The following SLC30A10 variants were observed in gnomAD, a reference collection of about 807,000 sequenced individuals.
SLC30A10 encodes the protein calcium/manganese antiporter SLC30A10.
A neutral mutation model predicts 21.7 loss-of-function variants in SLC30A10; 8 were observed. The ratio of observed to expected loss-of-function variants is 0.37; its 90% confidence interval spans 0.22 to 0.67. The LOEUF is 0.67. Ranked by LOEUF, SLC30A10 falls within the 30% of genes least tolerant of loss-of-function variation. The pLI is 0.58. For synonymous variants in SLC30A10, 272 were observed against 279.4 expected, an observed-to-expected ratio of 0.97 and a Z score of 0.26; for missense variants, 521 against 642.5, an observed-to-expected ratio of 0.81 and a Z score of 2.04.
intron 1 of SLC30A10, among the ~76,000 whole-genome samples, chr1:219,950,415 G>A (rs1357971093): frequency 3.5e-4 from 53 of 152,188 alleles, no homozygotes; most frequent in African/African-American, 1.3e-3. Flanking sequence ...CGAGGTGGGT[G>A]GATCACGAAG....
chr1:219,950,363 G>T (rs2102546549), intron 1 of SLC30A10, among the ~76,000 whole-genome samples: 1 of 152,338 alleles, frequency 6.6e-6, no homozygotes, highest in East Asian at 1.9e-4. Flanking sequence ...AATCTGGCTG[G>T]GCGCGGTGGC....
intron 1 of SLC30A10, among the ~76,000 whole-genome samples, chr1:219,934,601 C>T (rs1660022791): frequency 1.3e-5 from 2 of 152,106 alleles, no homozygotes; most frequent in African/African-American, 2.4e-5. Context: ...CAGGATGATG[C>T]CTTTTTTTCT....
At chr1:219,923,383 TG>T (rs1659741951) in intron 2 of SLC30A10, among the ~76,000 whole-genome samples, 1 of 152,168 alleles carries the variant, frequency 6.6e-6, no homozygotes, top group South Asian at 2.1e-4. Flanking sequence ...TAACATAAAT[TG>T]GCAATTTGAC....
chr1:219,944,448 A>AAAAAC (rs370187926), intron 1 of SLC30A10, among the ~76,000 whole-genome samples: 10,561 of 151,920 alleles, frequency 0.07, 431 homozygotes, highest in Admixed American at 0.11. Flanking sequence ...ACTCTGTCTC[A>AAAAAC]AAAACAAAAC....
Position 219,928,051 on chromosome 1 carries a change from C to A in SLC30A10, c.390G>T (p.Gly130=). The A allele has an allele frequency of 6.3e-7, 1 of 1,590,480 alleles. No individual in the cohort carries two copies. The highest frequency in any genetic ancestry group is 8.5e-7 in the Non-Finnish European group (1 of 1,170,018). The part of the protein sequence containing the change: ...GVLGLLVNVV[G]LLIFQDCAAW... Reference sequence around the variant, plus strand: ...CGGCGCAGTCCTGGAAGATGAGCAGCCCCACCACGTTGACCAACAGCCCCA... The same window carrying A: ...CGGCGCAGTCCTGGAAGATGAGCAGACCCACCACGTTGACCAACAGCCCCA... The change falls in exon 1 of 4, where the codon GGG becomes GGT. Residue 130 remains glycine, a synonymous_variant. Coordinates refer to ENST00000366926, the MANE Select transcript of SLC30A10 (RefSeq NM_018713.3). This position sits in a 1 kb window ranked among gnomAD's most constrained non-coding sequence, Gnocchi z 6.3.
chr1:219,930,482 TC>T (rs1161613438), upstream of SLC30A10, among the ~76,000 whole-genome samples: 1 of 151,704 alleles, frequency 6.6e-6, no homozygotes, highest in Admixed American at 6.6e-5. Context: ...CAACCCCACC[TC>T]CCCCCAACCA....
intron 1 of SLC30A10, among the ~76,000 whole-genome samples, chr1:219,950,771 AC>A (rs1660256282): frequency 6.6e-6 from 1 of 150,400 alleles, no homozygotes; most frequent in African/African-American, 2.5e-5. Flanking sequence ...CCAACATGAA[AC>A]CCCATCTCTA....
chr1:219,928,873 C>T (rs937892841), upstream of SLC30A10, among the ~76,000 whole-genome samples: 2 of 152,232 alleles, frequency 1.3e-5, no homozygotes, highest in Non-Finnish European at 2.9e-5. This position sits in a 1 kb window ranked among gnomAD's most constrained non-coding sequence, Gnocchi z 6.3. Flanking sequence ...TCTCCTGGCC[C>T]TCAGGGTCGC....
At chr1:219,927,580 G>A (rs1659859288) in intron 1 of SLC30A10, among the ~76,000 whole-genome samples, 1 of 140,404 alleles carries the variant, frequency 7.1e-6, no homozygotes, top group Non-Finnish European at 1.5e-5. Flanking sequence ...AAGGGATGGG[G>A]AATATGTTAA....
Position 219,928,402 on chromosome 1 carries a change from G to A in SLC30A10, c.39C>T (p.Phe13=), listed in dbSNP as rs146077535. The A allele has an allele frequency of 1.5e-5, 24 of 1,613,108 alleles. No homozygotes were observed. The highest frequency in any genetic ancestry group is 1.9e-5 in the Non-Finnish European group (23 of 1,179,628). The change falls in exon 1 of 4, where the codon TTC becomes TTT. Residue 13 remains phenylalanine (F), a synonymous_variant. Coordinates refer to ENST00000366926, the MANE Select transcript of SLC30A10 (RefSeq NM_018713.3). This position sits in a 1 kb window ranked among gnomAD's most constrained non-coding sequence, Gnocchi z 6.3. ...AGAAGGCGACGGTGAGCACCAGCAT[G>A]AAGAGCAGCCGGCACGTCTTGCCAG... is the stretch of plus-strand genomic sequence containing the variant. The part of the protein sequence containing the change: ...RYSGKTCRLL[F]MLVLTVAFFV...
At chr1:219,920,786 ATG>A (rs1421798850) in intron 2 of SLC30A10, among the ~76,000 whole-genome samples, 2 of 152,228 alleles carry the variant, frequency 1.3e-5, no homozygotes, top group Non-Finnish European at 2.9e-5. Context: ...CCTTCAAGGA[ATG>A]TGAATTACAG....
rs57806725 is a variant in SLC30A10 at position 219,921,921 on chromosome 1, C to CAG, written c.719-3429_719-3428dup. Among the ~76,000 whole-genome samples the CAG allele has an allele frequency of 7.0e-3, 971 of 137,822 alleles. 11 individuals are homozygous for CAG. The highest frequency in any genetic ancestry group is 0.017 in the African/African-American group (617 of 35,262). The allele number at this position is 137,822 out of a possible 152,430, so 90.4% of individuals were successfully genotyped here. ...TGTGTGTGTGAAAGAGAGAGAGAGA[C>CAG]AGAGAGAGAGAGAGAGAGAGAGACC... On this transcript the variant is annotated intron_variant, in intron 2 of 3. Transcript: ENST00000366926.
intron 2 of SLC30A10, among the ~76,000 whole-genome samples, chr1:219,926,220 T>C (rs77633134): frequency 0.032 from 4,836 of 152,254 alleles, 236 homozygotes; most frequent in African/African-American, 0.11. Context: ...TGAAGGTATC[T>C]CCTGAATTAT....
intron 2 of SLC30A10, among the ~76,000 whole-genome samples, chr1:219,922,248 G>A (rs1659714671): frequency 2.0e-5 from 2 of 101,762 alleles, no homozygotes; most frequent in South Asian, 3.8e-4. Flanking sequence ...ACAGGGGTTT[G>A]CTATGTTACC....
chr1:219,957,327 C>T lies in SLC30A10; in HGVS notation n.80+1241G>A, dbSNP rs183861884. ...AGGATAAAGGACCGGCTCCAACTGACGTAATTTATCATAGTAGCAAAGACA... is the reference window on the plus strand; with the variant it reads ...AGGATAAAGGACCGGCTCCAACTGATGTAATTTATCATAGTAGCAAAGACA... On this transcript the variant is annotated intron_variant and non_coding_transcript_variant, in intron 1 of 8. Coordinates refer to the SLC30A10 transcript ENST00000484239. Among the ~76,000 whole-genome samples, 366 of 152,176 alleles carry T rather than the reference C, an allele frequency of 2.4e-3. 1 individual carries two copies. Among genetic ancestry groups the T allele is most frequent in the African/African-American group, 7.0e-3 (292 of 41,504 alleles).
At chr1:219,949,842 C>A (rs1660244316) in intron 1 of SLC30A10, among the ~76,000 whole-genome samples, 2 of 152,032 alleles carry the variant, frequency 1.3e-5, no homozygotes, top group African/African-American at 4.8e-5. Flanking sequence ...ACAATGTTTT[C>A]AAAAAGCCAC....
intron 2 of SLC30A10, among the ~76,000 whole-genome samples, chr1:219,925,651 A>ATATATATATATATATATTT (rs1317554458): frequency 1.7e-4 from 8 of 48,278 alleles, no homozygotes; most frequent in East Asian, 8.2e-4. Flanking sequence ...ATATATATAT[A>ATATATATATATATATATTT]TTTTTTTTTT....
At chr1:219,937,778 C>T (rs1660066795) in intron 1 of SLC30A10, among the ~76,000 whole-genome samples, 1 of 152,226 alleles carries the variant, frequency 6.6e-6, no homozygotes, top group South Asian at 2.1e-4. Context: ...CGACACTGAA[C>T]TCCAGCCTGG....
chr1:219,921,752 C>T (rs1032224219), intron 2 of SLC30A10, among the ~76,000 whole-genome samples: 1 of 152,106 alleles, frequency 6.6e-6, no homozygotes, highest in Non-Finnish European at 1.5e-5. Flanking sequence ...AGCAGTATCC[C>T]ACTCAATTCC....
Sources: allele counts gnomAD v4.1 joint callset (sites outside exome capture counted in the v4.1 genomes callset), GRCh38; gene constraint gnomAD v4.1.1; non-coding constraint Gnocchi (gnomAD v3.1); transcripts MANE v1.5; gene names NCBI Gene and HGNC (gene_info 2026-07-23, HGNC 2026-07-21).